The following FRMD4B variants were observed in gnomAD, a reference collection of about 807,000 sequenced individuals.
The protein encoded by FRMD4B is FERM domain-containing protein 4B.
A neutral mutation model predicts 141.5 loss-of-function variants in FRMD4B; 74 were observed. That is an observed-to-expected ratio of 0.52 (90% confidence interval 0.43 to 0.63). The LOEUF is 0.63. Ranked by LOEUF, FRMD4B falls within the 30% of genes least tolerant of loss-of-function variation. The pLI, the probability that FRMD4B is intolerant of heterozygous loss-of-function variation, is 0.00. For missense variants in FRMD4B, 1,366 were observed against 1,253.4 expected (o/e 1.09, Z -1.36); for synonymous variants, 506 against 467.9 (o/e 1.08, Z -1.05).
rs1463226454 is a variant in FRMD4B at position 69,386,031 on chromosome 3, A to G, written c.-42T>C. Reference sequence around the variant, plus strand: ...TGAACCCGGGCGTCCCGGCTCTCGTACGTGCAGCCCCGACCCCAGCGGCCT... The same window carrying G: ...TGAACCCGGGCGTCCCGGCTCTCGTGCGTGCAGCCCCGACCCCAGCGGCCT... On this transcript the variant is annotated 5_prime_UTR_variant, in exon 1 of 23. Coordinates refer to ENST00000398540, the MANE Select transcript of FRMD4B (RefSeq NM_015123.3). 5.3e-6 allele frequency: 8 copies of G among 1,516,044 alleles called. No homozygotes were observed. The highest frequency in any genetic ancestry group is 1.9e-5 in the Admixed American group (1 of 51,288). 93.9% of individuals were successfully genotyped at this position (1,516,044 alleles called of 1,614,324 possible). A position where few individuals can be genotyped will look rare whatever the true frequency, so the allele number is the denominator to read the frequency against.
chr3:69,260,314 G>T (rs1872151), intron 5 of FRMD4B, among the ~76,000 whole-genome samples: 4 of 152,350 alleles, frequency 2.6e-5, no homozygotes, highest in East Asian at 1.9e-4. Context: ...TTCGCGAGTT[G>T]GCGAGTCAGC....
intron 2 of FRMD4B, among the ~76,000 whole-genome samples, chr3:69,411,801 T>A: frequency 6.6e-6 from 1 of 152,202 alleles, no homozygotes; most frequent in Admixed American, 6.5e-5. Context: ...ACCACGCACT[T>A]CTTAAAGTGG....
At chr3:69,513,231 A>G (rs909439556) in intron 1 of FRMD4B, among the ~76,000 whole-genome samples, 2 of 152,016 alleles carry the variant, frequency 1.3e-5, no homozygotes, top group Admixed American at 1.3e-4. Context: ...GTTAGAAGCA[A>G]TGTTGTAGAA....
intron 12 of FRMD4B, chr3:69,197,912 G>T (rs2107658639): frequency 6.6e-6 from 1 of 152,642 alleles, no homozygotes; most frequent in African/African-American, 2.4e-5. Context: ...ATCACCTGAG[G>T]TCAGGAGTTT....
chr3:69,186,466 C>G (rs2092768893), intron 19 of FRMD4B, among the ~76,000 whole-genome samples: 1 of 152,104 alleles, frequency 6.6e-6, no homozygotes, highest in Non-Finnish European at 1.5e-5. Context: ...AATCCCAGCA[C>G]TTTGGGAGAC....
intron 2 of FRMD4B, among the ~76,000 whole-genome samples, chr3:69,405,614 T>A (rs1209860648): frequency 1.3e-5 from 2 of 152,286 alleles, no homozygotes; most frequent in African/African-American, 4.8e-5. Flanking sequence ...CAGCCGATGT[T>A]CTCTACAAGG....
intron 1 of FRMD4B, among the ~76,000 whole-genome samples, chr3:69,377,554 T>C (rs975013720): frequency 4.6e-5 from 7 of 152,226 alleles, no homozygotes; most frequent in Admixed American, 3.9e-4. Flanking sequence ...TTGGGAGTGT[T>C]GTGAGCAGAC....
At position 69,521,189 on chromosome 3, in the gene FRMD4B, A is replaced by T. The variant is rs187210836; in HGVS notation, c.-129+21017T>A. Among the ~76,000 whole-genome samples the T allele has an allele frequency of 3.2e-3, 481 of 151,196 alleles. 5 individuals are homozygous for T. The highest frequency in any genetic ancestry group is 0.011 in the African/African-American group (453 of 40,658). ...GGCTGCTGTCCCTCCCACACAGCAG[A>T]TGTGCACCCACTATGGGGGTCTGGC... On this transcript the variant is annotated intron_variant, in intron 1 of 5. Coordinates refer to the FRMD4B transcript ENST00000459638.
In FRMD4B at chr3:69,293,862, CAG is replaced by C. The variant is rs1032105593; in HGVS notation, c.417-6028_417-6027del. On this transcript the variant is annotated intron_variant, in intron 4 of 22. Coordinates refer to ENST00000398540, the MANE Select transcript of FRMD4B (RefSeq NM_015123.3). ...TGCCACTGCACTCTAGCCTGGGTGACAGAGCTAGATTCTGCCTCAAAAAAAAA... is the reference window on the plus strand; with the variant it reads ...TGCCACTGCACTCTAGCCTGGGTGACAGCTAGATTCTGCCTCAAAAAAAAA... Among the ~76,000 whole-genome samples the C allele has an allele frequency of 2.9e-5, 3 of 104,648 alleles. No homozygotes were observed. The Admixed American group carries it at 4.6e-4, about 16-fold the overall frequency. The allele number at this position is 104,648 out of a possible 152,430, so 68.7% of individuals were successfully genotyped here.
chr3:69,324,610 C>G (rs186260090), intron 1 of FRMD4B, among the ~76,000 whole-genome samples: 6 of 152,130 alleles, frequency 3.9e-5, no homozygotes, highest in Non-Finnish European at 7.3e-5. Context: ...TCCCCTGGGA[C>G]GCAAAATCAC....
intron 1 of FRMD4B, among the ~76,000 whole-genome samples, chr3:69,454,278 G>A (rs373583897): frequency 6.6e-6 from 1 of 152,246 alleles, no homozygotes; most frequent in Non-Finnish European, 1.5e-5. Flanking sequence ...AGGTGACAGC[G>A]TGCTGGCAGC....
intron 1 of FRMD4B, among the ~76,000 whole-genome samples, chr3:69,508,898 G>A (rs1035005839): frequency 2.6e-5 from 4 of 152,196 alleles, no homozygotes; most frequent in Admixed American, 6.5e-5. Flanking sequence ...GGAATCTAGA[G>A]CACAGGACAA....
rs765622851 is a variant in FRMD4B at position 69,250,058 on chromosome 3, T to G, written c.543A>C (p.Ala181=). The G allele has an allele frequency of 6.2e-6, 10 of 1,610,056 alleles. No individual in the cohort carries two copies. In the Admixed American group the frequency reaches 1.7e-4, roughly 27 times the overall value. Residue 181 remains alanine (A), a synonymous_variant, in exon 6 of 23, where the codon GCA becomes GCC. Coordinates refer to ENST00000398540, the MANE Select transcript of FRMD4B (RefSeq NM_015123.3). ...CCAATCTTACCTGTAAAATAAACGCTGCTAACTTGAAGATGGTTTCGCTCT... is the reference window on the plus strand; with the variant it reads ...CCAATCTTACCTGTAAAATAAACGCGGCTAACTTGAAGATGGTTTCGCTCT... The part of the protein sequence containing the change: ...EVESETIFKL[A]AFILQEAKGD...
At chr3:69,179,604 A>T (rs1178554153) in intron 21 of FRMD4B, among the ~76,000 whole-genome samples, 1 of 152,206 alleles carries the variant, frequency 6.6e-6, no homozygotes, top group Non-Finnish European at 1.5e-5. Flanking sequence ...ACGCCTCATC[A>T]ACAAGTACAT....
chr3:69,219,371 G>A (rs975802282), intron 9 of FRMD4B, among the ~76,000 whole-genome samples: 1 of 152,048 alleles, frequency 6.6e-6, no homozygotes, highest in African/African-American at 2.4e-5. Context: ...AATTTCTCCA[G>A]GAAGTGTAAT....
chr3:69,485,925 T>C (rs1234471793), intron 1 of FRMD4B, among the ~76,000 whole-genome samples: 1 of 152,262 alleles, frequency 6.6e-6, no homozygotes, highest in Non-Finnish European at 1.5e-5. Flanking sequence ...ATCACTATTA[T>C]GTATTTAGCA....
chr3:69,366,192 G>A (rs1485760217), intron 1 of FRMD4B, among the ~76,000 whole-genome samples: 2 of 151,458 alleles, frequency 1.3e-5, no homozygotes, highest in East Asian at 1.9e-4. Context: ...CCCAGGAGGC[G>A]GAGGTTGCAG....
At chr3:69,467,719 C>A (rs1705816726) in intron 1 of FRMD4B, among the ~76,000 whole-genome samples, 2 of 152,178 alleles carry the variant, frequency 1.3e-5, no homozygotes, top group African/African-American at 4.8e-5. Context: ...TACCTCCCAA[C>A]TCCAGAAGAA....
chr3:69,347,058 C>T (rs1053654486), intron 1 of FRMD4B, among the ~76,000 whole-genome samples: 1 of 152,166 alleles, frequency 6.6e-6, no homozygotes, highest in Non-Finnish European at 1.5e-5. Flanking sequence ...AGAGTCAAGA[C>T]CCATCAGTGT....
Sources: gnomAD v4.1 joint callset for allele counts (sites outside exome capture counted in the v4.1 genomes callset) on GRCh38, gnomAD v4.1.1 for gene constraint, MANE v1.5 for transcripts, NCBI Gene and HGNC (gene_info 2026-07-23, HGNC 2026-07-21) for gene names.